The following RAPGEF4 variants were observed in gnomAD, a reference collection of about 807,000 sequenced individuals.
RAPGEF4 encodes the protein RAP guanine-nucleotide-exchange factor (GEF) 4.
In RAPGEF4, 66 loss-of-function variants were observed where a neutral mutation model predicts 147.9. The observed-to-expected ratio is 0.45, with a 90% CI of 0.37 to 0.55. The LOEUF is 0.55. RAPGEF4 is among the 20% of genes least tolerant of loss of function. The probability of loss-of-function intolerance (pLI) is 0.00; values close to 1 mark genes in which losing one functional copy is unlikely to be tolerated. For synonymous variants in RAPGEF4, 419 were observed against 442.7 expected (o/e 0.95, Z 0.67); for missense variants, 1,071 against 1,257.3 (o/e 0.85, Z 2.24).
chr2:172,913,147 C>G (rs997385341), intron 4 of RAPGEF4, among the ~76,000 whole-genome samples: 1 of 152,060 alleles, frequency 6.6e-6, no homozygotes, highest in African/African-American at 2.4e-5. Context: ...CCACCTGCCT[C>G]AGACTCCCAA....
chr2:173,028,782 G>A (rs1344130476), intron 25 of RAPGEF4, among the ~76,000 whole-genome samples: 1 of 152,198 alleles, frequency 6.6e-6, no homozygotes, highest in Non-Finnish European at 1.5e-5. Context: ...CCTCGTGACA[G>A]TAGCATCTGT....
chr2:172,748,211 G>A (rs564259581), intron 1 of RAPGEF4, among the ~76,000 whole-genome samples: 5 of 152,252 alleles, frequency 3.3e-5, no homozygotes, highest in East Asian at 1.9e-4. Flanking sequence ...TTGCTGCATC[G>A]TAAAGTAGTT....
At chr2:172,743,411 CT>C (rs1295398057) in intron 1 of RAPGEF4, among the ~76,000 whole-genome samples, 5 of 152,226 alleles carry the variant, frequency 3.3e-5, no homozygotes, top group Admixed American at 2.0e-4. Context: ...TGCCACTACT[CT>C]CTTTTCTCTC....
chr2:173,033,241 G>A (rs540682323), intron 26 of RAPGEF4, among the ~76,000 whole-genome samples: 2 of 152,278 alleles, frequency 1.3e-5, no homozygotes, highest in South Asian at 4.2e-4. Flanking sequence ...GCATGTGAGA[G>A]ACGAGACAGC....
rs114846600 is a variant in RAPGEF4 at position 172,927,730 on chromosome 2, C to G, written c.537+5430C>G. 1.6e-3 allele frequency among the ~76,000 whole-genome samples: 239 copies of G among 152,302 alleles called. 2 individuals are homozygous for G. The highest frequency in any genetic ancestry group is 5.6e-3 in the African/African-American group (233 of 41,568). ...CTTTCGAGGACCAACTGAATTCAAA[C>G]TGTTTTCTGTGGAACACAGTTTTTA... On this transcript the variant is annotated intron_variant, in intron 6 of 30. Transcript: ENST00000397081.
chr2:172,990,916 C>A lies in RAPGEF4; in HGVS notation c.1481C>A (p.Pro494His), dbSNP rs866445762. 2 of 1,611,710 alleles carry A rather than the reference C, an allele frequency of 1.2e-6. No homozygotes were observed. Among genetic ancestry groups the A allele is most frequent in the Non-Finnish European group, 1.7e-6 (2 of 1,178,030 alleles). The change falls in exon 15 of 31, where the codon CCT (proline) becomes CAT (histidine). Residue 494 changes from proline (P) to histidine (H), a missense_variant. Pro to His is a moderately conservative substitution (Grantham distance 77). Transcript: ENST00000397081. ...GCTTCTAATCAAGGAAACTCACAGC[C>A]TCAGCAAAAGTATGTTTGCATCCAA... ...NRASNQGNSQPQQKYTVMSGT... is the reference protein window; with the variant it reads ...NRASNQGNSQHQQKYTVMSGT...
intron 6 of RAPGEF4, among the ~76,000 whole-genome samples, chr2:172,926,844 A>G (rs1310368357): frequency 6.6e-6 from 1 of 152,208 alleles, no homozygotes; most frequent in Non-Finnish European, 1.5e-5. Context: ...TGCTGGGATT[A>G]CAAGTGTGAG....
intron 4 of RAPGEF4, among the ~76,000 whole-genome samples, chr2:172,838,472 T>C (rs1691214913): frequency 6.6e-6 from 1 of 152,144 alleles, no homozygotes; most frequent in African/African-American, 2.4e-5. Flanking sequence ...TTTTGGATAT[T>C]TGATTTATGA....
chr2:172,810,616 T>G (rs1352167416), intron 3 of RAPGEF4, among the ~76,000 whole-genome samples: 3 of 152,212 alleles, frequency 2.0e-5, no homozygotes, highest in Non-Finnish European at 4.4e-5. Context: ...CAGAGGCGAT[T>G]TTGTGTGTGT....
intron 1 of RAPGEF4, among the ~76,000 whole-genome samples, chr2:172,779,965 A>G (rs1344649106): frequency 6.6e-6 from 1 of 152,170 alleles, no homozygotes; most frequent in Non-Finnish European, 1.5e-5. Context: ...CCAGTTTTCA[A>G]TTTTTGGTCC....
intron 4 of RAPGEF4, among the ~76,000 whole-genome samples, chr2:172,899,558 A>G (rs1469214): frequency 0.97 from 147,894 of 152,246 alleles, 71,962 homozygotes; most frequent in East Asian, 1. Context: ...TACAGAAGCT[A>G]TAAGGCTGAC....
intron 1 of RAPGEF4, among the ~76,000 whole-genome samples, chr2:172,736,748 G>A (rs13023428): frequency 6.6e-6 from 1 of 152,140 alleles, no homozygotes; most frequent in Non-Finnish European, 1.5e-5. Flanking sequence ...TTTCCAGGCT[G>A]TGACAGCATA....
chr2:172,946,646 C>T lies in RAPGEF4; in HGVS notation c.538-14114C>T, dbSNP rs527243169. On this transcript the variant is annotated intron_variant, in intron 6 of 30. Coordinates refer to ENST00000397081, the MANE Select transcript of RAPGEF4 (RefSeq NM_007023.4). The stretch of plus-strand genomic sequence containing the variant: ...TCAAGCCCTGTTCATCCTAAAGACC[C>T]TGTTCAAATCCCACCTCCTCTGGGA... 2.6e-5 allele frequency among the ~76,000 whole-genome samples: 4 copies of T among 152,322 alleles called. No individual in the cohort carries two copies. The East Asian group carries it at 5.8e-4, about 22-fold the overall frequency.
At position 172,961,742 on chromosome 2, in the gene RAPGEF4, G is replaced by T. The variant is rs559794144; in HGVS notation, c.698+514G>T. The stretch of plus-strand genomic sequence containing the variant: ...GCCAGGATTTAAACCAAGGTTGGTT[G>T]ATTTCCAGATTCAGTGATCATTTCA... On this transcript the variant is annotated intron_variant, in intron 8 of 30. Transcript: ENST00000397081. 1.4e-4 allele frequency among the ~76,000 whole-genome samples: 21 copies of T among 152,306 alleles called. No homozygotes were observed. The South Asian group carries it at 4.4e-3, about 32-fold the overall frequency.
intron 3 of RAPGEF4, among the ~76,000 whole-genome samples, chr2:172,810,857 G>T (rs1398615690): frequency 6.6e-6 from 1 of 152,208 alleles, no homozygotes; most frequent in Non-Finnish European, 1.5e-5. Context: ...AGGACCCACG[G>T]CCATCTTGGC....
chr2:172,783,847 A>G (rs1398924279), intron 1 of RAPGEF4, among the ~76,000 whole-genome samples: 1 of 151,960 alleles, frequency 6.6e-6, no homozygotes, highest in African/African-American at 2.4e-5. Context: ...TTAGGAGAGC[A>G]GATCTCTAGG....
At chr2:172,869,615 A>G (rs1694997504) in intron 4 of RAPGEF4, among the ~76,000 whole-genome samples, 1 of 152,098 alleles carries the variant, frequency 6.6e-6, no homozygotes, top group African/African-American at 2.4e-5. Context: ...CCACCCTCTC[A>G]CTGCATTTTG....
At chr2:173,001,150 A>G in intron 16 of RAPGEF4, 116 bp from the exon 17 acceptor site, 1 of 1,455,824 alleles carries the variant, frequency 6.9e-7, no homozygotes, top group Non-Finnish European at 9.2e-7. Context: ...AAGTAAACTC[A>G]TGCCCCAAAC....
At chr2:172,986,066 T>C (rs896357957) in intron 12 of RAPGEF4, among the ~76,000 whole-genome samples, 16 of 152,186 alleles carry the variant, frequency 1.1e-4, no homozygotes, top group African/African-American at 3.9e-4. Context: ...AAAAGGAAAT[T>C]TGATGTGAAT....
Sources: allele counts gnomAD v4.1 joint callset (sites outside exome capture counted in the v4.1 genomes callset), GRCh38; gene constraint gnomAD v4.1.1; transcripts MANE v1.5; gene names NCBI Gene and HGNC (gene_info 2026-07-23, HGNC 2026-07-21).